Variants in RCAN3 observed in about 807,000 individuals in gnomAD.
RCAN3 encodes calcipressin-3.
Under a neutral mutation model 21.9 loss-of-function variants are expected in RCAN3, and 19 were observed. The ratio of observed to expected loss-of-function variants is 0.87; its 90% CI spans 0.61 to 1.27. RCAN3 has a LOEUF of 1.27. Ranked by LOEUF, RCAN3 falls within the 50% of genes most tolerant of loss-of-function variation. The pLI is 0.00. For synonymous variants in RCAN3, 114 were observed against 112.3 expected (o/e 1.01, Z -0.09); for missense variants, 240 against 300.1 (o/e 0.80, Z 1.48).
intron 1 of RCAN3, among the ~76,000 whole-genome samples, chr1:24,504,884 A>C (rs1224025433): frequency 6.6e-6 from 1 of 152,214 alleles, no homozygotes; most frequent in African/African-American, 2.4e-5. Context: ...TTGTTTTCAT[A>C]TGTTTTGTAG....
At chr1:24,517,210 G>T (rs1422075417) in intron 2 of RCAN3, among the ~76,000 whole-genome samples, 4 of 151,974 alleles carry the variant, frequency 2.6e-5, no homozygotes, top group African/African-American at 7.3e-5. Flanking sequence ...CGCCTCCCAG[G>T]TTCAAGCAAT....
intron 2 of RCAN3, among the ~76,000 whole-genome samples, chr1:24,516,237 G>T (rs1222106332): frequency 6.6e-6 from 1 of 152,130 alleles, no homozygotes; most frequent in African/African-American, 2.4e-5. Flanking sequence ...GGCTGTGGCG[G>T]GCAGATCACT....
rs1460371895 is a variant in RCAN3 at position 24,538,427 on chromosome 1, CAG to C, written c.*3153_*3154del. ...ATTTATTTATTTATTTATTTTGAGACAGAGTCTCACTCTGTCGCCCAGGCTGG... is the reference window on the plus strand; with the variant it reads ...ATTTATTTATTTATTTATTTTGAGACAGTCTCACTCTGTCGCCCAGGCTGG... On this transcript the variant is annotated 3_prime_UTR_variant, in exon 5 of 5. Coordinates refer to ENST00000374395, the MANE Select transcript of RCAN3 (RefSeq NM_013441.4). 1.3e-5 allele frequency: 2 copies of C among 151,618 alleles called. No individual in the cohort carries two copies. Among genetic ancestry groups the C allele is most frequent in the African/African-American group, 2.4e-5 (1 of 41,292 alleles). The allele number at this position is 151,618 out of a possible 1,614,324, so 9.4% of individuals were successfully genotyped here.
intron 1 of RCAN3, among the ~76,000 whole-genome samples, chr1:24,513,771 T>G (rs1648081632): frequency 6.6e-6 from 1 of 152,254 alleles, no homozygotes; most frequent in African/African-American, 2.4e-5. Context: ...AAGACTGAAT[T>G]TATAGACAGC....
rs775082450 is a variant in RCAN3 at position 24,514,366 on chromosome 1, G to C, written c.-7G>C. ...ATACAGAAGGAAAAGGCCCACTTTG[G>C]GGGATAATGCTGAGGGACACTATGA... On this transcript the variant is annotated 5_prime_UTR_variant, in exon 2 of 5. Transcript: ENST00000374395. 1.9e-6 allele frequency: 3 copies of C among 1,608,424 alleles called. No individual in the cohort carries two copies. Among genetic ancestry groups the C allele is most frequent in the Non-Finnish European group, 2.5e-6 (3 of 1,176,990 alleles).
At position 24,535,402 on chromosome 1, in the gene RCAN3, TCACCACGCCTGTACTGCAGACACG is replaced by T; in HGVS notation, c.*126_*149del. Reference sequence around the variant, plus strand: ...TCTGCCGAGTGAGGTATAGGTCTTCTCACCACGCCTGTACTGCAGACACGGTCGTGTAGAGTAGCAGCTGATTTG... The same window carrying T: ...TCTGCCGAGTGAGGTATAGGTCTTCTGTCGTGTAGAGTAGCAGCTGATTTG... On this transcript the variant is annotated 3_prime_UTR_variant, in exon 5 of 5. Coordinates refer to ENST00000374395, the MANE Select transcript of RCAN3 (RefSeq NM_013441.4). 2.9e-6 allele frequency: 3 copies of T among 1,043,840 alleles called. No individual in the cohort carries two copies. Among genetic ancestry groups the T allele is most frequent in the Non-Finnish European group, 3.9e-6 (3 of 762,926 alleles). 64.7% of individuals were successfully genotyped at this position (1,043,840 alleles called of 1,614,324 possible).
Position 24,531,336 on chromosome 1 carries a change from T to C in RCAN3, c.314T>C (p.Ile105Thr). The C allele has an allele frequency of 1.9e-6, 3 of 1,613,970 alleles. No homozygotes were observed. The highest frequency in any genetic ancestry group is 2.5e-6 in the Non-Finnish European group (3 of 1,179,936). Residue 105 changes from isoleucine to threonine, a missense_variant, in exon 3 of 5, where the codon ATA becomes ACA. Transcript: ENST00000374395. ...CCTGAAGCGGCAGCAAGAGCGCGAA[T>C]AGAACTCCACGAAACAGACTTCAAT... is the stretch of plus-strand genomic sequence containing the variant. ...SKPEAAARAR[I>T]ELHETDFNGQ...
chr1:24,515,225 A>G (rs972278706), intron 2 of RCAN3, among the ~76,000 whole-genome samples: 8 of 152,124 alleles, frequency 5.3e-5, no homozygotes, highest in Admixed American at 1.3e-4. Flanking sequence ...CGGGCTTCCT[A>G]TTACTTGGGA....
chr1:24,527,480 G>T (rs1649371728), intron 2 of RCAN3, among the ~76,000 whole-genome samples: 1 of 152,130 alleles, frequency 6.6e-6, no homozygotes, highest in South Asian at 2.1e-4. Flanking sequence ...TAGGATAAAT[G>T]ATGTTTCCTC....
Position 24,514,447 on chromosome 1 carries a change from A to G in RCAN3, c.75A>G (p.Glu25=). The change falls in exon 2 of 5, where the codon GAA becomes GAG. Residue 25 remains glutamate (E), a synonymous_variant. Transcript: ENST00000374395. ...DLCSTDQEEE[E]EMIFGENEDD... ...GTAGCACTGACCAAGAAGAGGAAGAAGAGATGATTTTTGGTGAAAATGAAG... is the reference window on the plus strand; with the variant it reads ...GTAGCACTGACCAAGAAGAGGAAGAGGAGATGATTTTTGGTGAAAATGAAG... 1.2e-6 allele frequency: 2 copies of G among 1,614,202 alleles called. No homozygotes were observed. Among genetic ancestry groups the G allele is most frequent in the Middle Eastern group, 1.6e-4 (1 of 6,062 alleles).
chr1:24,530,423 C>G (rs979140381), intron 2 of RCAN3, among the ~76,000 whole-genome samples: 21 of 145,256 alleles, frequency 1.4e-4, no homozygotes, highest in African/African-American at 4.8e-4. Flanking sequence ...GGAGCAAGAT[C>G]TAAGCAAAAA....
intron 2 of RCAN3, among the ~76,000 whole-genome samples, chr1:24,515,613 T>C (rs905016035): frequency 2.6e-5 from 4 of 152,172 alleles, no homozygotes; most frequent in Non-Finnish European, 4.4e-5. Context: ...TTTCAGCCGA[T>C]GTACCCAAAA....
chr1:24,504,407 A>G (rs1397424649), intron 1 of RCAN3, among the ~76,000 whole-genome samples: 2 of 152,184 alleles, frequency 1.3e-5, no homozygotes, highest in Non-Finnish European at 2.9e-5. Flanking sequence ...GGCTCAAGCC[A>G]TCCGCCCACC....
chr1:24,508,398 G>C (rs1378997246), intron 1 of RCAN3, among the ~76,000 whole-genome samples: 2 of 152,188 alleles, frequency 1.3e-5, no homozygotes. Flanking sequence ...ATTGACACAG[G>C]TGTGTGTGAA....
At position 24,538,764 on chromosome 1, in the gene RCAN3, C is replaced by G. The variant is rs949883474; in HGVS notation, c.*3487C>G. Reference sequence around the variant, plus strand: ...ATGGTGTGTTTGAATTGAAGAGATACCAGGAGATAGAGGTGAAGTGCAGTA... The same window carrying G: ...ATGGTGTGTTTGAATTGAAGAGATAGCAGGAGATAGAGGTGAAGTGCAGTA... On this transcript the variant is annotated 3_prime_UTR_variant, in exon 5 of 5. Coordinates refer to ENST00000374395, the MANE Select transcript of RCAN3 (RefSeq NM_013441.4). 1 of 151,810 alleles carries G rather than the reference C, an allele frequency of 6.6e-6. No homozygotes were observed. The highest frequency in any genetic ancestry group is 2.4e-5 in the African/African-American group (1 of 41,300). The allele number at this position is 151,810 out of a possible 1,614,324, so 9.4% of individuals were successfully genotyped here.
intron 1 of RCAN3, among the ~76,000 whole-genome samples, chr1:24,511,986 G>A (rs1647922957): frequency 6.6e-6 from 1 of 152,132 alleles, no homozygotes; most frequent in Non-Finnish European, 1.5e-5. Context: ...GGAAGGTGAA[G>A]GAGAATTAGG....
intron 4 of RCAN3, among the ~76,000 whole-genome samples, chr1:24,534,659 G>T (rs1366279442): frequency 1.3e-5 from 2 of 151,408 alleles, no homozygotes; most frequent in Non-Finnish European, 2.9e-5. Context: ...AATTAGCTGG[G>T]CGTGGTGGCA....
intron 3 of RCAN3, among the ~76,000 whole-genome samples, 180 bp from the exon 4 acceptor site, chr1:24,532,903 T>C (rs908257792): frequency 1.6e-5 from 2 of 126,706 alleles, no homozygotes; most frequent in African/African-American, 6.4e-5. Context: ...GAGCTGAGAT[T>C]GGACCACTGC....
chr1:24,511,527 C>A (rs1381490324), intron 1 of RCAN3, among the ~76,000 whole-genome samples: 1 of 152,038 alleles, frequency 6.6e-6, no homozygotes, highest in Admixed American at 6.5e-5. Flanking sequence ...CAACACGTGT[C>A]GGTTAGGAAC....
Sources: gnomAD v4.1 joint callset for allele counts (sites outside exome capture counted in the v4.1 genomes callset) on GRCh38, gnomAD v4.1.1 for gene constraint, MANE v1.5 for transcripts, NCBI Gene and HGNC (gene_info 2026-07-23, HGNC 2026-07-21) for gene names.